Variants in CMTM6 observed in about 807,000 individuals in gnomAD.
CMTM6 encodes CKLF-like MARVEL transmembrane domain-containing protein 6.
Under a neutral mutation model 13.6 loss-of-function variants are expected in CMTM6, and 5 were observed. That is an observed-to-expected ratio of 0.37 (90% CI 0.19 to 0.77). The LOEUF is 0.77. CMTM6 is among the 30% of genes least tolerant of loss of function. The pLI is 0.50. For missense variants in CMTM6, 196 were observed against 218.6 expected (o/e 0.90, Z 0.65); for synonymous variants, 99 against 84.5 (o/e 1.17, Z -0.94).
rs537942931 is a variant in CMTM6 at position 32,485,239 on chromosome 3, AAAG to A, written c.415-1145_415-1143del. Among the ~76,000 whole-genome samples the A allele has an allele frequency of 7.4e-3, 1,126 of 152,100 alleles. 16 individuals carry two copies. Among genetic ancestry groups the A allele is most frequent in the African/African-American group, 0.026 (1,076 of 41,464 alleles). On this transcript the variant is annotated intron_variant, in intron 3 of 3. Coordinates refer to ENST00000205636, the MANE Select transcript of CMTM6 (RefSeq NM_017801.3). ...ACACACTTCTGAATTAAAAAAAAAA[AAAG>A]AACTTCCTCATGCATTTAAGTCTAT...
intron 1 of CMTM6, among the ~76,000 whole-genome samples, chr3:32,497,401 GAAAGAA>G (rs1697304110): frequency 8.8e-6 from 1 of 113,610 alleles, no homozygotes; most frequent in African/African-American, 4.1e-5. Flanking sequence ...AAAAAAAAAA[GAAAGAA>G]AAAACTCCTT....
intron 1 of CMTM6, among the ~76,000 whole-genome samples, chr3:32,494,769 T>C (rs1403358194): frequency 6.6e-6 from 1 of 152,152 alleles, no homozygotes; most frequent in Non-Finnish European, 1.5e-5. Context: ...AAAGGTTACA[T>C]ATTGCATGAT....
intron 3 of CMTM6, among the ~76,000 whole-genome samples, chr3:32,487,523 C>G (rs986470373): frequency 6.6e-6 from 1 of 152,108 alleles, no homozygotes; most frequent in Admixed American, 6.6e-5. Context: ...GTTCATTTAA[C>G]AAACTCCATT....
At chr3:32,491,943 T>A (rs931140747) in intron 1 of CMTM6, 57 bp from the exon 2 acceptor site, 2 of 1,383,046 alleles carry the variant, frequency 1.4e-6, no homozygotes, top group Non-Finnish European at 2.0e-6. Flanking sequence ...CTACAGTATT[T>A]AGAAAGCTGT....
intron 3 of CMTM6, among the ~76,000 whole-genome samples, chr3:32,486,187 C>T (rs1427116871): frequency 3.3e-5 from 5 of 152,190 alleles, no homozygotes; most frequent in Admixed American, 6.5e-5. Context: ...CCCGGCCTAA[C>T]TTCAATTTTG....
chr3:32,497,392 A>G (rs1697303837), intron 1 of CMTM6, among the ~76,000 whole-genome samples: 1 of 119,262 alleles, frequency 8.4e-6, no homozygotes, highest in Admixed American at 7.6e-5. Context: ...CAAAAAAAAA[A>G]AAAAAAAAGA....
intron 1 of CMTM6, among the ~76,000 whole-genome samples, chr3:32,499,796 C>T (rs567144813): frequency 6.6e-6 from 1 of 151,146 alleles, no homozygotes; most frequent in African/African-American, 2.5e-5. Context: ...AGAGAAGTTA[C>T]GTTCTTTTAT....
chr3:32,498,945 C>A (rs1697318816), intron 1 of CMTM6, among the ~76,000 whole-genome samples: 2 of 151,986 alleles, frequency 1.3e-5, no homozygotes, highest in South Asian at 4.2e-4. Context: ...AATACGAATT[C>A]TCCATTAATT....
Position 32,502,759 on chromosome 3 carries a change from G to A in CMTM6, c.-14C>T. ...TCCGTTCTCCATCGCCTCGGGCCGGGGAGCGCGGCGGCCGCAGCAACCGCG... is the reference window on the plus strand; with the variant it reads ...TCCGTTCTCCATCGCCTCGGGCCGGAGAGCGCGGCGGCCGCAGCAACCGCG... On this transcript the variant is annotated 5_prime_UTR_variant, in exon 1 of 4. Transcript: ENST00000205636. 7.1e-7 allele frequency: 1 copy of A among 1,416,906 alleles called. No individual in the cohort carries two copies. The highest frequency in any genetic ancestry group is 2.9e-5 in the East Asian group (1 of 34,116). The allele number at this position is 1,416,906 out of a possible 1,614,324, so 87.8% of individuals were successfully genotyped here. A position where few individuals can be genotyped will look rare whatever the true frequency, so the allele number is the denominator to read the frequency against.
intron 1 of CMTM6, among the ~76,000 whole-genome samples, chr3:32,493,984 G>T (rs1314811062): frequency 2.0e-5 from 3 of 152,168 alleles, no homozygotes; most frequent in Non-Finnish European, 2.9e-5. Flanking sequence ...GTGTGGCTGG[G>T]AAAGAATGGC....
chr3:32,486,979 T>C (rs930515349), intron 3 of CMTM6, among the ~76,000 whole-genome samples: 1 of 152,200 alleles, frequency 6.6e-6, no homozygotes. Flanking sequence ...ATGCTTCCTA[T>C]AGAGCTGTCA....
intron 1 of CMTM6, among the ~76,000 whole-genome samples, chr3:32,498,662 G>A (rs537345134): frequency 2.9e-4 from 42 of 142,666 alleles, no homozygotes; most frequent in African/African-American, 1.0e-3. Flanking sequence ...GCAGTGGCAC[G>A]ATCTTGGCTC....
chr3:32,482,821 A>C lies in CMTM6; in HGVS notation c.*1139T>G, dbSNP rs1697167220. 1 of 150,196 alleles carries C rather than the reference A, an allele frequency of 6.7e-6. No homozygotes were observed. The highest frequency in any genetic ancestry group is 1.5e-5 in the Non-Finnish European group (1 of 67,814). The allele number at this position is 150,196 out of a possible 1,614,324, so 9.3% of individuals were successfully genotyped here. On this transcript the variant is annotated 3_prime_UTR_variant, in exon 4 of 4. Transcript: ENST00000205636. Reference sequence around the variant, plus strand: ...ACAGTATTCACAATCAAAAGGGCCCAAGATTCAGGACCACCTAAAGACAAC... The same window carrying C: ...ACAGTATTCACAATCAAAAGGGCCCCAGATTCAGGACCACCTAAAGACAAC...
intron 1 of CMTM6, among the ~76,000 whole-genome samples, chr3:32,498,868 G>A (rs776252631): frequency 6.6e-6 from 1 of 151,696 alleles, no homozygotes; most frequent in African/African-American, 2.4e-5. Context: ...ATGAGCCACC[G>A]CACCCGGCCT....
chr3:32,497,710 T>C (rs1423242619), intron 1 of CMTM6, among the ~76,000 whole-genome samples: 2 of 151,678 alleles, frequency 1.3e-5, no homozygotes. Flanking sequence ...ATACAAAAAT[T>C]AGCCGGGCAT....
At chr3:32,497,475 G>A (rs958888702) in intron 1 of CMTM6, among the ~76,000 whole-genome samples, 7 of 150,918 alleles carry the variant, frequency 4.6e-5, no homozygotes, top group African/African-American at 1.7e-4. Context: ...ACCTGGTAGT[G>A]TGAGGGGTGG....
chr3:32,490,018 G>C (rs1436360981), intron 2 of CMTM6, among the ~76,000 whole-genome samples: 2 of 152,096 alleles, frequency 1.3e-5, no homozygotes, highest in Non-Finnish European at 2.9e-5. Context: ...GGCCGAGGTG[G>C]GCGGATCACC....
chr3:32,493,445 G>A (rs1029425162), intron 1 of CMTM6, among the ~76,000 whole-genome samples: 37 of 152,186 alleles, frequency 2.4e-4, no homozygotes, highest in African/African-American at 8.7e-4. Context: ...AGGGTGCTAG[G>A]GAGAGAAGAA....
chr3:32,497,474 T>C (rs1697304988), intron 1 of CMTM6, among the ~76,000 whole-genome samples: 1 of 149,770 alleles, frequency 6.7e-6, no homozygotes, highest in Admixed American at 6.6e-5. Context: ...CACCTGGTAG[T>C]GTGAGGGGTG....
Sources: gnomAD v4.1 joint callset for allele counts (sites outside exome capture counted in the v4.1 genomes callset) on GRCh38, gnomAD v4.1.1 for gene constraint, MANE v1.5 for transcripts, NCBI Gene and HGNC (gene_info 2026-07-23, HGNC 2026-07-21) for gene names.